Variants in REDIC1 observed in about 807,000 individuals in gnomAD.
REDIC1 encodes the protein regulator of DNA class I crossover intermediates 1, also known as HEI10 Interacting Protein 1.
chr12:39,844,281 G>A, the REDIC1 span, among the ~76,000 whole-genome samples: 3 of 152,136 alleles, frequency 2.0e-5, no homozygotes, highest in South Asian at 6.2e-4. Flanking sequence ...AGGGTAGATA[G>A]ACAGTCCTTT....
chr12:39,760,060 T>G, the REDIC1 span: 1 of 1,612,524 alleles, frequency 6.2e-7, no homozygotes, highest in Non-Finnish European at 8.5e-7. Flanking sequence ...GTCAGAAAGA[T>G]GATAGTTACT....
the REDIC1 span, among the ~76,000 whole-genome samples, chr12:39,782,818 G>A: frequency 4.6e-5 from 7 of 152,166 alleles, no homozygotes; most frequent in African/African-American, 1.7e-4. Context: ...TGGTCTCAGA[G>A]GGAGATGAGG....
the REDIC1 span, among the ~76,000 whole-genome samples, chr12:39,749,089 T>C: frequency 1.3e-5 from 2 of 150,476 alleles, no homozygotes; most frequent in East Asian, 2.0e-4. Flanking sequence ...CTGAAGGAGA[T>C]AGAGACACAA....
the REDIC1 span, among the ~76,000 whole-genome samples, chr12:39,895,266 G>A: frequency 0.017 from 2,567 of 151,700 alleles, 24 homozygotes; most frequent in Non-Finnish European, 0.026. Flanking sequence ...CGAGGCGGGC[G>A]GATCATGAGG....
the REDIC1 span, chr12:39,756,034 T>A: frequency 1.3e-5 from 2 of 152,098 alleles, no homozygotes. Context: ...GCAGTATTGC[T>A]CACCTAGAAG....
chr12:39,736,113 A>G, the REDIC1 span, among the ~76,000 whole-genome samples: 1 of 152,232 alleles, frequency 6.6e-6, no homozygotes, highest in Admixed American at 6.5e-5. Context: ...TTGAGGAGGA[A>G]CTATGAGCTC....
the REDIC1 span, among the ~76,000 whole-genome samples, chr12:39,727,060 T>TA: frequency 1.3e-5 from 2 of 152,220 alleles, no homozygotes. Context: ...AGATTCTGGA[T>TA]ATTAGCCCTT....
At chr12:39,634,585 T>A in the REDIC1 span, among the ~76,000 whole-genome samples, 1 of 152,180 alleles carries the variant, frequency 6.6e-6, no homozygotes, top group African/African-American at 2.4e-5. Context: ...GCTAGCCATA[T>A]GTAGAAAGCT....
chr12:39,807,641 T>C, the REDIC1 span, among the ~76,000 whole-genome samples: 1 of 152,196 alleles, frequency 6.6e-6, no homozygotes. Flanking sequence ...AATCTGGTGA[T>C]TAAAATGGAT....
At chr12:39,805,172 G>C in the REDIC1 span, among the ~76,000 whole-genome samples, 1 of 150,178 alleles carries the variant, frequency 6.7e-6, no homozygotes, top group African/African-American at 2.5e-5. Context: ...TGTGTTGGAC[G>C]TGGCCAGAAT....
the REDIC1 span, among the ~76,000 whole-genome samples, chr12:39,738,073 T>A: frequency 6.6e-6 from 1 of 152,266 alleles, no homozygotes; most frequent in East Asian, 1.9e-4. Context: ...TTGAAAAAAA[T>A]TAAGATTTGT....
chr12:39,721,515 C>A, the REDIC1 span: 2 of 332,864 alleles, frequency 6.0e-6, no homozygotes, highest in East Asian at 1.4e-4. Flanking sequence ...AATGTACTAG[C>A]GTTTTTATGT....
the REDIC1 span, among the ~76,000 whole-genome samples, chr12:39,896,421 T>C: frequency 7.1e-6 from 1 of 140,602 alleles, no homozygotes; most frequent in Non-Finnish European, 1.5e-5. Context: ...TGTATGTATA[T>C]GTGTATATAT....
At chr12:39,627,083 T>C in the REDIC1 span, among the ~76,000 whole-genome samples, 1 of 152,048 alleles carries the variant, frequency 6.6e-6, no homozygotes, top group Non-Finnish European at 1.5e-5. Flanking sequence ...AGCCATTACA[T>C]GTAATTTTTT....
the REDIC1 span, among the ~76,000 whole-genome samples, chr12:39,822,563 C>A: frequency 6.6e-6 from 1 of 152,202 alleles, no homozygotes; most frequent in Admixed American, 6.5e-5. Context: ...CTGCTGTACA[C>A]CTTCTGATGC....
the REDIC1 span, among the ~76,000 whole-genome samples, chr12:39,807,120 A>G: frequency 6.7e-6 from 1 of 148,738 alleles, no homozygotes; most frequent in Non-Finnish European, 1.5e-5. Context: ...AAGTAATTAC[A>G]GTTTTCGCCA....
chr12:39,683,150 G>C, the REDIC1 span: 7 of 1,565,664 alleles, frequency 4.5e-6, no homozygotes, highest in Non-Finnish European at 5.2e-6. Flanking sequence ...GGTTGGTATT[G>C]TACATGGAAA....
At chr12:39,834,016 A>G in the REDIC1 span, among the ~76,000 whole-genome samples, 1 of 151,982 alleles carries the variant, frequency 6.6e-6, no homozygotes, top group East Asian at 1.9e-4. Flanking sequence ...AACAGGCCTC[A>G]CTGAGTTCTT....
the REDIC1 span, among the ~76,000 whole-genome samples, chr12:39,711,545 ATG>A: frequency 2.2e-5 from 2 of 89,368 alleles, no homozygotes; most frequent in African/African-American, 8.0e-5. Flanking sequence ...ACATATATGT[ATG>A]TGCATACACA....
Sources: allele counts gnomAD v4.1 joint callset (sites outside exome capture counted in the v4.1 genomes callset), GRCh38; gene constraint gnomAD v4.1.1; transcripts MANE v1.5; gene names NCBI Gene and HGNC (gene_info 2026-07-23, HGNC 2026-07-21).